The following ARIH1 variants were observed in gnomAD, a reference collection of about 807,000 sequenced individuals.
ARIH1 encodes the protein ariadne RBR E3 ubiquitin protein ligase 1, also known as E3 ubiquitin-protein ligase ARIH1.
ARIH1 carries 8 observed loss-of-function variants against 85.0 expected under a neutral mutation model. The observed-to-expected ratio is 0.09, with a 90% CI of 0.06 to 0.17. The LOEUF (loss-of-function observed/expected upper bound fraction) is 0.17. ARIH1 is among the 10% of genes least tolerant of loss of function. The pLI is 1.00. For missense variants in ARIH1, 311 were observed against 718.1 expected (o/e 0.43, Z 6.48); for synonymous variants, 238 against 253.6 (o/e 0.94, Z 0.59).
At chr15:72,566,101 G>A (rs1395780904) in intron 7 of ARIH1, among the ~76,000 whole-genome samples, 1 of 152,064 alleles carries the variant, frequency 6.6e-6, no homozygotes, top group African/African-American at 2.4e-5. Context: ...ACAGGGCGGA[G>A]GTTCATTTGT....
intron 1 of ARIH1, among the ~76,000 whole-genome samples, chr15:72,496,472 A>G (rs937841401): frequency 2.0e-5 from 3 of 152,216 alleles, no homozygotes; most frequent in African/African-American, 7.2e-5. Context: ...GTGATAGTTT[A>G]TGTACCAAAG....
chr15:72,537,912 A>T (rs1275356001), intron 2 of ARIH1, among the ~76,000 whole-genome samples: 1 of 152,242 alleles, frequency 6.6e-6, no homozygotes, highest in Admixed American at 6.5e-5. Context: ...ATTTTCATAC[A>T]TGGATACATA....
intron 2 of ARIH1, among the ~76,000 whole-genome samples, chr15:72,528,959 G>C (rs1385150476): frequency 6.6e-6 from 1 of 152,286 alleles, no homozygotes; most frequent in East Asian, 1.9e-4. Context: ...CCAGCACTTT[G>C]GGAGGCCAAG....
At chr15:72,547,020 C>T (rs2064132561) in intron 3 of ARIH1, among the ~76,000 whole-genome samples, 2 of 151,266 alleles carry the variant, frequency 1.3e-5, no homozygotes, top group African/African-American at 4.9e-5. Flanking sequence ...CTCCGCCTCC[C>T]AGGTTCATGC....
chr15:72,524,359 G>A (rs544845782), intron 2 of ARIH1, among the ~76,000 whole-genome samples: 12 of 151,448 alleles, frequency 7.9e-5, no homozygotes, highest in African/African-American at 2.7e-4. Flanking sequence ...GATTACAGGC[G>A]TGCGCCACCA....
chr15:72,499,963 T>C (rs1189987745), intron 1 of ARIH1, among the ~76,000 whole-genome samples: 2 of 152,240 alleles, frequency 1.3e-5, no homozygotes, highest in African/African-American at 4.8e-5. Context: ...GCTCTGATAA[T>C]GTGCTTAATT....
intron 2 of ARIH1, among the ~76,000 whole-genome samples, chr15:72,529,868 C>T (rs1412342339): frequency 1.3e-5 from 2 of 152,092 alleles, no homozygotes; most frequent in South Asian, 4.1e-4. Flanking sequence ...GTTTAATGCA[C>T]GTTATAAGGG....
rs981156507 is a variant in ARIH1 at position 72,566,885 on chromosome 15, G to C, written c.955-221G>C. 2.8e-4 allele frequency among the ~76,000 whole-genome samples: 43 copies of C among 152,090 alleles called. 1 individual carries two copies. Among genetic ancestry groups the C allele is most frequent in the Admixed American group, 2.8e-3 (43 of 15,266 alleles). ...AGTTGGGCTTCTCTTCAAGCTCTAGGTTCCCCACTCAGCTTCTGCCAAAGA... is the reference window on the plus strand; with the variant it reads ...AGTTGGGCTTCTCTTCAAGCTCTAGCTTCCCCACTCAGCTTCTGCCAAAGA... On this transcript the variant is annotated intron_variant, in intron 8 of 13. Coordinates refer to ENST00000379887, the MANE Select transcript of ARIH1 (RefSeq NM_005744.5).
intron 5 of ARIH1, among the ~76,000 whole-genome samples, chr15:72,560,561 C>G (rs769499960): frequency 5.1e-4 from 77 of 152,302 alleles, no homozygotes; most frequent in Admixed American, 1.1e-3. Flanking sequence ...GCTGTCCCAC[C>G]TTAGAGCTCC....
chr15:72,480,835 G>C (rs1364817428), intron 1 of ARIH1, among the ~76,000 whole-genome samples: 1 of 152,184 alleles, frequency 6.6e-6, no homozygotes, highest in South Asian at 2.1e-4. Flanking sequence ...AAAGTTCTGG[G>C]ATCACAGTGA....
chr15:72,506,248 G>A (rs2063924247), intron 1 of ARIH1, among the ~76,000 whole-genome samples: 1 of 150,920 alleles, frequency 6.6e-6, no homozygotes, highest in South Asian at 2.1e-4. Flanking sequence ...TACTCAGGAG[G>A]CTGAGGCAGG....
At chr15:72,563,237 A>G (rs909692333) in intron 6 of ARIH1, among the ~76,000 whole-genome samples, 157 bp from the exon 7 acceptor site, 9 of 151,792 alleles carry the variant, frequency 5.9e-5, no homozygotes, top group African/African-American at 2.2e-4. Context: ...TCTTTTTTTT[A>G]AGGTAGAGAC....
intron 1 of ARIH1, among the ~76,000 whole-genome samples, chr15:72,511,153 A>C (rs2063949038): frequency 6.6e-6 from 1 of 152,292 alleles, no homozygotes; most frequent in South Asian, 2.1e-4. Flanking sequence ...TCTTTCATCA[A>C]TATTTTGCAG....
chr15:72,490,558 C>T (rs1431911290), intron 1 of ARIH1, among the ~76,000 whole-genome samples: 1 of 152,134 alleles, frequency 6.6e-6, no homozygotes, highest in Non-Finnish European at 1.5e-5. Context: ...TCCCCTCCCG[C>T]TCCTTTCATG....
Position 72,583,757 on chromosome 15 carries a change from C to T in ARIH1, c.*465C>T, listed in dbSNP as rs959372630. 2 of 152,814 alleles carry T rather than the reference C, an allele frequency of 1.3e-5. No individual in the cohort carries two copies. Among genetic ancestry groups the T allele is most frequent in the African/African-American group, 4.8e-5 (2 of 41,406 alleles). The allele number at this position is 152,814 out of a possible 1,614,324, so 9.5% of individuals were successfully genotyped here. ...ACAGACTGACTCTCTTTCTCTCATA[C>T]CCCAAGGTCATGAGTGAATGATGCT... On this transcript the variant is annotated 3_prime_UTR_variant, in exon 14 of 14. Transcript: ENST00000379887.
intron 2 of ARIH1, among the ~76,000 whole-genome samples, chr15:72,543,151 T>G (rs915145305): frequency 2.6e-5 from 4 of 151,910 alleles, no homozygotes; most frequent in Admixed American, 2.6e-4. Context: ...GCCAGGCTGG[T>G]TTTGAACTAC....
chr15:72,480,130 A>G (rs1321675609), intron 1 of ARIH1, among the ~76,000 whole-genome samples: 3 of 152,074 alleles, frequency 2.0e-5, no homozygotes, highest in African/African-American at 4.8e-5. Context: ...CGGCCTGCCA[A>G]AGTGCTGGGA....
At chr15:72,533,781 C>T (rs2064068854) in intron 2 of ARIH1, among the ~76,000 whole-genome samples, 2 of 152,158 alleles carry the variant, frequency 1.3e-5, no homozygotes, top group Admixed American at 1.3e-4. Context: ...GTGGCATCTG[C>T]TTGTAGTCCC....
chr15:72,586,511 G>GA lies in ARIH1; in HGVS notation c.*3222dup, dbSNP rs906930104. On this transcript the variant is annotated 3_prime_UTR_variant, in exon 14 of 14. Coordinates refer to ENST00000379887, the MANE Select transcript of ARIH1 (RefSeq NM_005744.5). ...CTGGACTGTTCAGGTTGCCCAGAGGGAAAGAACATTCCTAATTCTAATAAA... is the reference window on the plus strand; with the variant it reads ...CTGGACTGTTCAGGTTGCCCAGAGGGAAAAGAACATTCCTAATTCTAATAAA... The GA allele has an allele frequency of 6.6e-6, 1 of 152,168 alleles. No individual in the cohort carries two copies. The highest frequency in any genetic ancestry group is 2.4e-5 in the African/African-American group (1 of 41,434). The allele number at this position is 152,168 out of a possible 1,614,324, so 9.4% of individuals were successfully genotyped here. A position where few individuals can be genotyped will look rare whatever the true frequency, so the allele number is the denominator to read the frequency against.
Sources: gnomAD v4.1 joint callset for allele counts (sites outside exome capture counted in the v4.1 genomes callset) on GRCh38, gnomAD v4.1.1 for gene constraint, MANE v1.5 for transcripts, NCBI Gene and HGNC (gene_info 2026-07-23, HGNC 2026-07-21) for gene names.